Variants in P2RY12 observed in about 807,000 individuals in gnomAD.
P2RY12 encodes the protein P2Y purinoceptor 12.
In P2RY12, 3 loss-of-function variants were observed where a neutral mutation model predicts 4.5. That is an observed-to-expected ratio of 0.67 (90% CI 0.31 to 1.74). P2RY12 has a LOEUF of 1.74. Ranked by LOEUF, P2RY12 falls within the 40% of genes most tolerant of loss-of-function variation. The pLI is 0.09. For missense variants in P2RY12, 356 were observed against 407.8 expected (o/e 0.87, Z 1.09); for synonymous variants, 148 against 154.1 (o/e 0.96, Z 0.29).
chr3:151,353,680 A>G (rs1753530556), intron 1 of P2RY12, among the ~76,000 whole-genome samples: 1 of 152,210 alleles, frequency 6.6e-6, no homozygotes, highest in Non-Finnish European at 1.5e-5. Flanking sequence ...AGACCATTAC[A>G]TTTGCCATTA....
chr3:151,354,378 T>C (rs1753665012), intron 1 of P2RY12, among the ~76,000 whole-genome samples: 1 of 152,142 alleles, frequency 6.6e-6, no homozygotes, highest in African/African-American at 2.4e-5. Flanking sequence ...CTCTTTATGC[T>C]AATTTGATAA....
chr3:151,380,334 T>G (rs1048876217), intron 1 of P2RY12: 1 of 710,204 alleles, frequency 1.4e-6, no homozygotes, highest in Non-Finnish European at 2.2e-6. Context: ...TGGTGGCTCA[T>G]GCCTGTAATC....
intron 1 of P2RY12, among the ~76,000 whole-genome samples, chr3:151,342,379 C>T (rs540017451): frequency 4.6e-5 from 7 of 152,280 alleles, no homozygotes; most frequent in Non-Finnish European, 2.9e-5. Context: ...TTTTCTTCTG[C>T]GTTTTGAGTA....
chr3:151,365,814 C>G, intron 1 of P2RY12: 1 of 1,553,688 alleles, frequency 6.4e-7, no homozygotes, highest in South Asian at 1.2e-5. Context: ...CTCTTTTGTA[C>G]AAGGTTACTT....
chr3:151,359,041 T>C (rs1754293081), intron 1 of P2RY12, among the ~76,000 whole-genome samples: 1 of 152,148 alleles, frequency 6.6e-6, no homozygotes, highest in African/African-American at 2.4e-5. Flanking sequence ...GAAGTGAGCA[T>C]AGTACTCAGT....
rs1711771241 is a variant in P2RY12 at position 151,379,214 on chromosome 3, A to ATAGGTGAGTG, written c.-180+5468_-180+5477dup. 3.3e-5 allele frequency among the ~76,000 whole-genome samples: 5 copies of ATAGGTGAGTG among 152,340 alleles called. No individual in the cohort carries two copies. In the South Asian group the frequency reaches 1.0e-3, roughly 32 times the overall value. ...TCTAATTTTCAAATCATATTTGCTG[A>ATAGGTGAGTG]TAGGTGAGTGTATGTGCATTGCCTA... On this transcript the variant is annotated intron_variant, in intron 1 of 2. Transcript: ENST00000302632.
rs774270501 is a variant in P2RY12, at chr3:151,360,551, A to G, written c.-179-19791T>C. ...GAAAGATGCATTTTAGCCTACCTCTATGATCTCTATGTGTCATGTAGCCAC... is the reference window on the plus strand; with the variant it reads ...GAAAGATGCATTTTAGCCTACCTCTGTGATCTCTATGTGTCATGTAGCCAC... On this transcript the variant is annotated intron_variant, in intron 1 of 2. Coordinates refer to ENST00000302632, the MANE Select transcript of P2RY12 (RefSeq NM_022788.5). 4.0e-5 allele frequency: 65 copies of G among 1,612,762 alleles called. No homozygotes were observed. Among genetic ancestry groups the G allele is most frequent in the Admixed American group, 5.0e-5 (3 of 59,948 alleles).
chr3:151,360,581 G>A lies in P2RY12; in HGVS notation c.-179-19821C>T, dbSNP rs765319299. On this transcript the variant is annotated intron_variant, in intron 1 of 2. Transcript: ENST00000302632. ...CTCTATGTGTCATGTAGCCACCTCA[G>A]AAGTAAATTTGGAGACCTCTTCAGG... The A allele has an allele frequency of 1.9e-6, 3 of 1,612,476 alleles. No individual in the cohort carries two copies. In the South Asian group the frequency reaches 3.3e-5, roughly 18 times the overall value.
At chr3:151,367,705 A>G (rs1337844798) in intron 1 of P2RY12, 3 of 1,612,092 alleles carry the variant, frequency 1.9e-6, no homozygotes, top group Admixed American at 1.7e-5. Flanking sequence ...TGATAGCACG[A>G]CAGTGTTTTT....
At chr3:151,375,510 A>G (rs1577489325) in intron 1 of P2RY12, among the ~76,000 whole-genome samples, 1 of 152,162 alleles carries the variant, frequency 6.6e-6, no homozygotes, top group Admixed American at 6.6e-5. Context: ...AAATTACCCT[A>G]AGAAAATTAT....
intron 1 of P2RY12, chr3:151,357,184 T>TGTTTA (rs751339893): frequency 8.4e-6 from 13 of 1,548,006 alleles, no homozygotes; most frequent in Non-Finnish European, 1.0e-5. Context: ...GGCACCTACA[T>TGTTTA]GTTTATTCAG....
Position 151,367,685 on chromosome 3 carries a change from A to G in P2RY12, c.-180+17007T>C, listed in dbSNP as rs754912002. The G allele has an allele frequency of 1.2e-6, 2 of 1,610,060 alleles. No individual in the cohort carries two copies. Among genetic ancestry groups the G allele is most frequent in the Non-Finnish European group, 1.7e-6 (2 of 1,177,582 alleles). ...ATTCCATGATTCATTAGCTACTTTC[A>G]TTGCTATTCTGATAGCACGACAGTG... On this transcript the variant is annotated intron_variant, in intron 1 of 2. Coordinates refer to ENST00000302632, the MANE Select transcript of P2RY12 (RefSeq NM_022788.5).
chr3:151,362,900 C>A (rs1754795102), intron 1 of P2RY12, among the ~76,000 whole-genome samples: 1 of 152,126 alleles, frequency 6.6e-6, no homozygotes, highest in Non-Finnish European at 1.5e-5. Flanking sequence ...TAACATTCTT[C>A]TCTTACTTTA....
Position 151,360,456 on chromosome 3 carries a change from G to A in P2RY12, c.-179-19696C>T, listed in dbSNP as rs181611572. 3,732 of 1,606,534 alleles carry A rather than the reference G, an allele frequency of 2.3e-3. 8 individuals are homozygous for A. The highest frequency in any genetic ancestry group is 2.6e-3 in the Non-Finnish European group (3,097 of 1,176,118). On this transcript the variant is annotated intron_variant, in intron 1 of 2. Coordinates refer to ENST00000302632, the MANE Select transcript of P2RY12 (RefSeq NM_022788.5). ...GTACAAATCTATGTCTTATTTCTTC[G>A]TATATTTTTCTCCTCAGGTTGTGTG...
chr3:151,384,240 A>G, intron 1 of P2RY12: 1 of 1,582,934 alleles, frequency 6.3e-7, no homozygotes, highest in Non-Finnish European at 8.6e-7. Flanking sequence ...ATCAGCCTGT[A>G]TTATGAGCTC....
In P2RY12 at chr3:151,367,945, C is replaced by T. The variant is rs190440853; in HGVS notation, c.-180+16747G>A. Reference sequence around the variant, plus strand: ...TTTTATACAAATTAACATGTATCACCGTGAAAAAGGTGGGAAACTGCTATG... The same window carrying T: ...TTTTATACAAATTAACATGTATCACTGTGAAAAAGGTGGGAAACTGCTATG... On this transcript the variant is annotated intron_variant, in intron 1 of 2. Transcript: ENST00000302632. Among the ~76,000 whole-genome samples the T allele has an allele frequency of 1.2e-4, 18 of 152,014 alleles. 1 individual carries two copies. The highest frequency in any genetic ancestry group is 1.9e-4 in the East Asian group (1 of 5,182).
At chr3:151,357,825 T>G (rs1754113139) in intron 1 of P2RY12, among the ~76,000 whole-genome samples, 1 of 152,222 alleles carries the variant, frequency 6.6e-6, no homozygotes, top group Non-Finnish European at 1.5e-5. Context: ...TATCTTTTGA[T>G]AAGAATTAAC....
At chr3:151,356,467 G>A (rs993441489) in intron 1 of P2RY12, among the ~76,000 whole-genome samples, 2 of 152,042 alleles carry the variant, frequency 1.3e-5, no homozygotes, top group African/African-American at 4.8e-5. Flanking sequence ...TCATTTTAGG[G>A]ACATAGTACA....
chr3:151,382,749 A>C, intron 1 of P2RY12: 1 of 1,605,486 alleles, frequency 6.2e-7, no homozygotes. Context: ...AAATTTGGTA[A>C]GTGACATTTC....
Sources: gnomAD v4.1 joint callset for allele counts (sites outside exome capture counted in the v4.1 genomes callset) on GRCh38, gnomAD v4.1.1 for gene constraint, MANE v1.5 for transcripts, NCBI Gene and HGNC (gene_info 2026-07-23, HGNC 2026-07-21) for gene names.